Variants in STKLD1 observed in about 807,000 individuals in gnomAD.
STKLD1 encodes the protein serine/threonine kinase like domain containing 1.
Under a neutral mutation model 80.4 loss-of-function variants are expected in STKLD1, and 79 were observed. That is an observed-to-expected ratio of 0.98 (90% CI 0.82 to 1.19). The LOEUF (loss-of-function observed/expected upper bound fraction) is 1.19, where lower values mean the gene tolerates loss of function less well. Among genes scored for constraint, STKLD1 ranks in the 50% most tolerant of loss-of-function variants. The pLI is 0.00. For synonymous variants in STKLD1, 393 were observed against 357.6 expected (o/e 1.10, Z -1.12); for missense variants, 841 against 856.0 (o/e 0.98, Z 0.22).
chr9:133,397,274 G>C lies in STKLD1; in HGVS notation c.977G>C (p.Gly326Ala). ...TCCATCACCGACATGCTGTTAGAAG[G>C]CAACGTGGCCAGCATTTTAGGTGAT... Reference protein sequence around the residue: ...PASITDMLLEGNVASILEVMQ... With the variant: ...PASITDMLLEANVASILEVMQ... The change falls in exon 10 of 18, where the codon GGC becomes GCC. Residue 326 changes from glycine (G) to alanine (A), a missense_variant. Transcript: ENST00000371957. The C allele has an allele frequency of 6.2e-7, 1 of 1,613,692 alleles. No individual in the cohort carries two copies. The highest frequency in any genetic ancestry group is 8.5e-7 in the Non-Finnish European group (1 of 1,180,022).
At chr9:133,379,335 C>T (rs191447849) in intron 2 of STKLD1, among the ~76,000 whole-genome samples, 73 of 152,322 alleles carry the variant, frequency 4.8e-4, no homozygotes, top group African/African-American at 1.6e-3. Flanking sequence ...TTTACTCCAA[C>T]ACCACCACCT....
intron 13 of STKLD1, 33 bp downstream of exon 13, chr9:133,401,911 C>A: frequency 3.7e-6 from 6 of 1,608,778 alleles, no homozygotes; most frequent in East Asian, 2.2e-5. Context: ...GCCCCACCCA[C>A]GCTCCAGGAC....
intron 16 of STKLD1, 38 bp downstream of exon 16, chr9:133,404,086 T>C: frequency 6.5e-7 from 1 of 1,531,940 alleles, no homozygotes; most frequent in Non-Finnish European, 8.8e-7. Context: ...CACCTAGAGG[T>C]GGGGGCAAGA....
chr9:133,397,322 G>T, intron 10 of STKLD1, 28 bp downstream of exon 10: 5 of 1,610,424 alleles, frequency 3.1e-6, no homozygotes, highest in Non-Finnish European at 3.4e-6. Context: ...AAGGGGGAGC[G>T]TGCCCTGAAG....
intron 5 of STKLD1, 80 bp downstream of exon 5, chr9:133,387,628 C>A: frequency 8.9e-7 from 1 of 1,120,080 alleles, no homozygotes; most frequent in Non-Finnish European, 1.4e-6. Flanking sequence ...AAAGTAACAG[C>A]GGGAGGGCAG....
Position 133,379,036 on chromosome 9 carries a change from G to A in STKLD1, c.88G>A (p.Val30Ile), listed in dbSNP as rs1304805997. The A allele has an allele frequency of 1.2e-6, 2 of 1,613,542 alleles. No homozygotes were observed. The highest frequency in any genetic ancestry group is 3.3e-5 in the Admixed American group (2 of 59,922). ...AAGCTTCTCTCTTCCTTGCTGATAG[G>A]TTTTGTACCAGCTGAATCCTGGGGC... ...SPGEPMEKYQ[V>I]LYQLNPGALG... The change falls in exon 2 of 18, where the codon GTT becomes ATT. Residue 30 changes from valine to isoleucine, a missense_variant and splice_region_variant. Val to Ile is a conservative substitution (Grantham distance 29). Coordinates refer to ENST00000371957, the MANE Select transcript of STKLD1 (RefSeq NM_153710.5).
Position 133,394,290 on chromosome 9 carries a change from G to C in STKLD1, c.584-1G>C. On this transcript the variant is annotated splice_acceptor_variant, in intron 7 of 17. Transcript: ENST00000371957. LOFTEE classifies it high-confidence loss of function. This position sits in a 1 kb window ranked among gnomAD's most constrained non-coding sequence, Gnocchi z 4.9. ...GGATCCCACCTTGCTTTTACCAACA[G>C]ACCCCTTTCGTAAGTCCTGGATGGC... The C allele has an allele frequency of 6.2e-7, 1 of 1,609,230 alleles. No homozygotes were observed. Among genetic ancestry groups the C allele is most frequent in the Non-Finnish European group, 8.5e-7 (1 of 1,175,686 alleles).
intron 11 of STKLD1, among the ~76,000 whole-genome samples, chr9:133,399,880 A>C (rs1405023519): frequency 2.1e-3 from 6 of 2,922 alleles, no homozygotes; most frequent in African/African-American, 5.7e-3. Context: ...CTCTGTTTCA[A>C]AAAAAAAAAA....
rs1838781019 is a variant in STKLD1 at position 133,404,162 on chromosome 9, AG to A, written c.1732+116del. ...AAAAAACAGAAGCAACAAATCAAAA[AG>A]GAAAAGAAATTAAAAACGATCTGAA... On this transcript the variant is annotated intron_variant, in intron 16 of 17. Transcript: ENST00000371957. 18 of 1,336,798 alleles carry A rather than the reference AG, an allele frequency of 1.3e-5. No individual in the cohort carries two copies. The South Asian group carries it at 2.6e-4, about 20-fold the overall frequency. 82.8% of individuals were successfully genotyped at this position (1,336,798 alleles called of 1,614,324 possible).
In STKLD1 at chr9:133,394,756, G is replaced by A. The variant is rs587656208; in HGVS notation, c.702+347G>A. ...AGGCTGCACGGAGTTGCAAGCAACG[G>A]GAACCCAGTGTGGGCCTGAACACAC... is the stretch of plus-strand genomic sequence containing the variant. On this transcript the variant is annotated intron_variant, in intron 8 of 17. Coordinates refer to ENST00000371957, the MANE Select transcript of STKLD1 (RefSeq NM_153710.5). This position sits in a 1 kb window ranked among gnomAD's most constrained non-coding sequence, Gnocchi z 4.9. 1.7e-5 allele frequency: 5 copies of A among 294,322 alleles called. No homozygotes were observed. In the South Asian group the frequency reaches 2.3e-4, roughly 14 times the overall value. 18.2% of individuals were successfully genotyped at this position (294,322 alleles called of 1,614,324 possible).
chr9:133,403,815 G>A lies in STKLD1; in HGVS notation c.1590G>A (p.Leu530=). The A allele has an allele frequency of 6.2e-7, 1 of 1,613,522 alleles. No homozygotes were observed. Among genetic ancestry groups the A allele is most frequent in the East Asian group, 2.2e-5 (1 of 44,888 alleles). Residue 530 remains leucine, a synonymous_variant, in exon 15 of 18, where the codon CTG becomes CTA. Coordinates refer to ENST00000371957, the MANE Select transcript of STKLD1 (RefSeq NM_153710.5). ...AAGCCAGCTGCGGAGTCTTCTGGCT[G>A]CTGTCCCTGCTGGGTGAGCTGGGTG... ...MAEASCGVFW[L]LSLLGCIKEQ... is the part of the protein sequence containing the mutation.
chr9:133,405,213 A>G, intron 17 of STKLD1, 39 bp from the exon 18 acceptor site: 1 of 1,556,760 alleles, frequency 6.4e-7, no homozygotes. Context: ...GGGGCACAGG[A>G]AGGACTCTGG....
chr9:133,395,875 C>G, intron 9 of STKLD1, 112 bp downstream of exon 9: 1 of 1,098,142 alleles, frequency 9.1e-7, no homozygotes. Context: ...AACTCCATCA[C>G]AGATGCCCTG....
At chr9:133,383,541 GTGA>G in intron 2 of STKLD1, among the ~76,000 whole-genome samples, 1 of 4,418 alleles carries the variant, frequency 2.3e-4, no homozygotes, top group East Asian at 8.2e-3. Flanking sequence ...GGTGATGGTG[GTGA>G]TGAAGGTGGT....
At position 133,389,230 on chromosome 9, in the gene STKLD1, C is replaced by CACCA; in HGVS notation, c.397-296_397-295insACCA. ...AGCTCCCAGCAAGTGTGGGGCAGCG[C>CACCA]GGGCCACAGAGTAGGGTGCAGGGAT... is the stretch of plus-strand genomic sequence containing the variant. On this transcript the variant is annotated intron_variant, in intron 5 of 17. Coordinates refer to ENST00000371957, the MANE Select transcript of STKLD1 (RefSeq NM_153710.5). The surrounding 1 kb of genome is among the most constrained non-coding windows in gnomAD (Gnocchi z 6.4). 1 of 985,358 alleles carries CACCA rather than the reference C, an allele frequency of 1.0e-6. No individual in the cohort carries two copies. Among genetic ancestry groups the CACCA allele is most frequent in the South Asian group, 4.7e-5 (1 of 21,286 alleles). 61.0% of individuals were successfully genotyped at this position (985,358 alleles called of 1,614,324 possible).
At position 133,379,047 on chromosome 9, in the gene STKLD1, G is replaced by T; in HGVS notation, c.99G>T (p.Gln33His). ...TTCCTTGCTGATAGGTTTTGTACCA[G>T]CTGAATCCTGGGGCCTTGGGGGTGA... ...EPMEKYQVLY[Q>H]LNPGALGVNL... The change falls in exon 2 of 18, where the codon CAG becomes CAT. Residue 33 changes from glutamine to histidine, a missense_variant. Physicochemically the swap from Gln to His is conservative, Grantham distance 24. Coordinates refer to ENST00000371957, the MANE Select transcript of STKLD1 (RefSeq NM_153710.5). 1 of 1,613,914 alleles carries T rather than the reference G, an allele frequency of 6.2e-7. No individual in the cohort carries two copies. Among genetic ancestry groups the T allele is most frequent in the East Asian group, 2.2e-5 (1 of 44,872 alleles).
chr9:133,400,012 CCCA>C (rs1169740190), intron 11 of STKLD1, among the ~76,000 whole-genome samples: 2 of 152,192 alleles, frequency 1.3e-5, no homozygotes, highest in African/African-American at 4.8e-5. Flanking sequence ...CAGTCCCCAG[CCCA>C]CAACAGTTTC....
intron 7 of STKLD1, among the ~76,000 whole-genome samples, chr9:133,392,603 G>GTGGATGGA (rs1245671424): frequency 0.26 from 9,422 of 36,090 alleles, 1,596 homozygotes; most frequent in Admixed American, 0.3. Context: ...GGATGGATGG[G>GTGGATGGA]TGGATGGATG....
chr9:133,388,730 A>T, intron 5 of STKLD1: 2 of 985,188 alleles, frequency 2.0e-6, no homozygotes, highest in Non-Finnish European at 2.4e-6. Context: ...TCACATTTAG[A>T]TCTTTCATCT....
Sources: allele counts gnomAD v4.1 joint callset (sites outside exome capture counted in the v4.1 genomes callset), GRCh38; gene constraint gnomAD v4.1.1; non-coding constraint Gnocchi (gnomAD v3.1); transcripts MANE v1.5; gene names NCBI Gene and HGNC (gene_info 2026-07-23, HGNC 2026-07-21).